Variants in SEZ6L2 observed in about 807,000 individuals in gnomAD.
SEZ6L2 encodes the protein seizure 6-like protein 2.
Under a neutral mutation model 97.0 loss-of-function variants are expected in SEZ6L2, and 44 were observed. The observed-to-expected ratio is 0.45, with a 90% CI of 0.36 to 0.58. The LOEUF (loss-of-function observed/expected upper bound fraction) is 0.58. Ranked by LOEUF, SEZ6L2 falls within the 20% of genes least tolerant of loss-of-function variation. The pLI, the probability that SEZ6L2 is intolerant of heterozygous loss-of-function variation, is 0.00. For synonymous variants in SEZ6L2, 543 were observed against 546.1 expected, an observed-to-expected ratio of 0.99 and a Z score of 0.08; for missense variants, 1,086 against 1,233.3, an observed-to-expected ratio of 0.88 and a Z score of 1.79.
chr16:29,887,587 C>T, intron 7 of SEZ6L2, 62 bp downstream of exon 7: 2 of 1,484,238 alleles, frequency 1.3e-6, no homozygotes, highest in South Asian at 1.3e-5. Flanking sequence ...ACTGGGATTA[C>T]AGGCATGAGC....
chr16:29,876,667 G>C lies in SEZ6L2; in HGVS notation c.2104+89C>G. On this transcript the variant is annotated intron_variant, in intron 12 of 17. Coordinates refer to ENST00000617533, the MANE Select transcript of SEZ6L2 (RefSeq NM_001243332.2). The surrounding 1 kb of genome is among the most constrained non-coding windows in gnomAD (Gnocchi z 6.5). ...ACCCCGAGCGAAGGGATGGAACCCA[G>C]AAAGCACGGGGGTCGGGACAGGACA... The C allele has an allele frequency of 7.9e-7, 1 of 1,257,946 alleles. No individual in the cohort carries two copies. The highest frequency in any genetic ancestry group is 1.1e-6 in the Non-Finnish European group (1 of 931,502). The allele number at this position is 1,257,946 out of a possible 1,614,324, so 77.9% of individuals were successfully genotyped here. A position where few individuals can be genotyped will look rare whatever the true frequency, so the allele number is the denominator to read the frequency against.
At position 29,896,958 on chromosome 16, in the gene SEZ6L2, C is replaced by T. The variant is rs375314663; in HGVS notation, c.375G>A (p.Pro125=). Residue 125 remains proline, a synonymous_variant, in exon 3 of 18, where the codon CCG becomes CCA. Coordinates refer to ENST00000617533, the MANE Select transcript of SEZ6L2 (RefSeq NM_001243332.2). ...GGGGTGGGGCTGTGGTTCCTGGGGG[C>T]GGGGTCAGCAGTTCTGGCGCAGTGG... ...AGPTAPELLT[P]PPGTTAPPPP... 45 of 1,589,652 alleles carry T rather than the reference C, an allele frequency of 2.8e-5. 1 individual carries two copies. The South Asian group carries it at 4.0e-4, about 14-fold the overall frequency.
At position 29,897,045 on chromosome 16, in the gene SEZ6L2, A is replaced by G; in HGVS notation, c.288T>C (p.Thr96=). The change falls in exon 3 of 18, where the codon ACT becomes ACC. Residue 96 remains threonine (T), a synonymous_variant. Transcript: ENST00000617533. Reference sequence around the variant, plus strand: ...TTGTCAGAGGCCCTGTCCCCGGCTCAGTGGCCCGTGGCAGGGAGGGCACTG... The same window carrying G: ...TTGTCAGAGGCCCTGTCCCCGGCTCGGTGGCCCGTGGCAGGGAGGGCACTG... The part of the protein sequence containing the change: ...TLAVPSLPRA[T]EPGTGPLTTA... The G allele has an allele frequency of 6.3e-7, 1 of 1,581,242 alleles. No individual in the cohort carries two copies. The highest frequency in any genetic ancestry group is 8.5e-7 in the Non-Finnish European group (1 of 1,170,562).
chr16:29,875,371 A>C, intron 12 of SEZ6L2, among the ~76,000 whole-genome samples: 1 of 152,128 alleles, frequency 6.6e-6, no homozygotes, highest in Non-Finnish European at 1.5e-5. Context: ...GCACACCTTC[A>C]GGCTCAATCT....
chr16:29,899,068 C>G lies in SEZ6L2; in HGVS notation c.-49G>C. 1 of 1,288,388 alleles carries G rather than the reference C, an allele frequency of 7.8e-7. No homozygotes were observed. The highest frequency in any genetic ancestry group is 1.1e-6 in the Non-Finnish European group (1 of 909,966). The allele number at this position is 1,288,388 out of a possible 1,614,324, so 79.8% of individuals were successfully genotyped here. Reference sequence around the variant, plus strand: ...CTCTGTGCCTCTCTAAGTAATCTGGCTGCCACCTTTCCTCCGTCTCCGTTT... The same window carrying G: ...CTCTGTGCCTCTCTAAGTAATCTGGGTGCCACCTTTCCTCCGTCTCCGTTT... On this transcript the variant is annotated 5_prime_UTR_variant, in exon 1 of 18. Coordinates refer to ENST00000617533, the MANE Select transcript of SEZ6L2 (RefSeq NM_001243332.2).
rs147981652 is a variant in SEZ6L2 at position 29,878,391 on chromosome 16, G to T, written c.1608C>A (p.Gly536=). ...GGGGCCAGTCGGGAGAGAGGACCAC[G>T]CCAGCTGGTTCCGACAGCTCCCCTC... ...MCGGELSEPA[G]VVLSPDWPQS... is the part of the protein sequence containing the mutation. Residue 536 remains glycine (G), a synonymous_variant, in exon 10 of 18, where the codon GGC becomes GGA. Transcript: ENST00000617533. 5 of 1,607,088 alleles carry T rather than the reference G, an allele frequency of 3.1e-6. No homozygotes were observed. Among genetic ancestry groups the T allele is most frequent in the Admixed American group, 1.7e-5 (1 of 59,422 alleles).
chr16:29,888,401 C>T, intron 6 of SEZ6L2, 139 bp downstream of exon 6: 1 of 833,308 alleles, frequency 1.2e-6, no homozygotes, highest in Non-Finnish European at 1.8e-6. Flanking sequence ...CTGCAGACCC[C>T]AGGATGGGGA....
In SEZ6L2 at chr16:29,873,573, G is replaced by A. The variant is rs761102277; in HGVS notation, c.2261C>T (p.Thr754Ile). Residue 754 changes from threonine (T) to isoleucine (I), a missense_variant, in exon 13 of 18, where the codon ACA (threonine) becomes ATA (isoleucine). Physicochemically the swap from Thr to Ile is moderately conservative, Grantham distance 89. Transcript: ENST00000617533. The surrounding 1 kb of genome is among the most constrained non-coding windows in gnomAD (Gnocchi z 4.3). ...GGGGACCCTATCGCTCCACTTGGGTGTGCCTGTGTCCCGGCTGTAGCAGGT... is the reference window on the plus strand; with the variant it reads ...GGGGACCCTATCGCTCCACTTGGGTATGCCTGTGTCCCGGCTGTAGCAGGT... ...MLTCYSRDTG[T>I]PKWSDRVPKC... 3.1e-6 allele frequency: 5 copies of A among 1,614,196 alleles called. No individual in the cohort carries two copies. The highest frequency in any genetic ancestry group is 1.7e-5 in the Admixed American group (1 of 60,024).
At chr16:29,892,336 A>G (rs1204489533) in intron 5 of SEZ6L2, among the ~76,000 whole-genome samples, 1 of 152,208 alleles carries the variant, frequency 6.6e-6, no homozygotes, top group Admixed American at 6.5e-5. Context: ...TGCTTCCCCA[A>G]ATGTTCCACT....
intron 1 of SEZ6L2, among the ~76,000 whole-genome samples, chr16:29,898,635 C>A (rs551521424): frequency 6.6e-6 from 1 of 152,158 alleles, no homozygotes; most frequent in East Asian, 1.9e-4. Flanking sequence ...CTCCATCTCC[C>A]ACCCAGGTCC....
intron 9 of SEZ6L2, 60 bp downstream of exon 9, chr16:29,879,804 G>C (rs2067991232): frequency 1.4e-6 from 2 of 1,451,558 alleles, no homozygotes; most frequent in Admixed American, 4.2e-5. Context: ...GCCTTGCTGG[G>C]ATCCCCAGTT....
At chr16:29,894,638 G>A (rs571012785) in intron 5 of SEZ6L2, among the ~76,000 whole-genome samples, 7 of 152,194 alleles carry the variant, frequency 4.6e-5, no homozygotes, top group South Asian at 4.1e-4. Context: ...TTCTGAGCTC[G>A]TTGAAGCCAG....
At chr16:29,878,238 A>G in intron 10 of SEZ6L2, 49 bp downstream of exon 10, 1 of 1,514,928 alleles carries the variant, frequency 6.6e-7, no homozygotes, top group Non-Finnish European at 8.9e-7. Flanking sequence ...GGCATACCAC[A>G]CTTTGCTGAG....
At chr16:29,880,420 G>A (rs1224155887) in intron 8 of SEZ6L2, among the ~76,000 whole-genome samples, 1 of 152,008 alleles carries the variant, frequency 6.6e-6, no homozygotes, top group African/African-American at 2.4e-5. Context: ...CCGCCTCCTG[G>A]GTTCAAGCGA....
rs764984609 is a variant in SEZ6L2 at position 29,873,504 on chromosome 16, C to T, written c.2296+34G>A. 1.1e-5 allele frequency: 17 copies of T among 1,613,832 alleles called. No individual in the cohort carries two copies. The highest frequency in any genetic ancestry group is 3.3e-5 in the Admixed American group (2 of 59,974). On this transcript the variant is annotated intron_variant, in intron 13 of 17. Transcript: ENST00000617533. The surrounding 1 kb of genome is among the most constrained non-coding windows in gnomAD (Gnocchi z 4.3). ...GGCAGACGGGCTCTCCCAGGGCTAC[C>T]CAGCCACCCTCCCAGGGTGTGCCCC...
At chr16:29,883,114 G>A (rs76754381) in intron 8 of SEZ6L2, among the ~76,000 whole-genome samples, 3,792 of 152,176 alleles carry the variant, frequency 0.025, 154 homozygotes, top group African/African-American at 0.084. Flanking sequence ...ACAGCCGAGT[G>A]CCAATTCCAT....
intron 5 of SEZ6L2, among the ~76,000 whole-genome samples, chr16:29,889,505 T>G (rs2068222617): frequency 6.6e-6 from 1 of 151,578 alleles, no homozygotes; most frequent in Admixed American, 6.6e-5. Flanking sequence ...TTATTAAATG[T>G]CTCTTTTGAT....
Position 29,876,862 on chromosome 16 carries a change from C to T in SEZ6L2, c.1998G>A (p.Thr666=), listed in dbSNP as rs1302950293. ...TASHGDLIRG[T]VLTYQCEPGY... is the part of the protein sequence containing the mutation. ...CAGGCTCGCACTGGTAGGTGAGCAC[C>T]GTGCCCCGGATCAGGTCCCCGTGGG... Residue 666 remains threonine, a synonymous_variant, in exon 12 of 18, where the codon ACG becomes ACA. Coordinates refer to ENST00000617533, the MANE Select transcript of SEZ6L2 (RefSeq NM_001243332.2). This position sits in a 1 kb window ranked among gnomAD's most constrained non-coding sequence, Gnocchi z 6.5. 2 of 1,613,300 alleles carry T rather than the reference C, an allele frequency of 1.2e-6. No individual in the cohort carries two copies. Among genetic ancestry groups the T allele is most frequent in the Admixed American group, 1.7e-5 (1 of 59,958 alleles).
At position 29,873,945 on chromosome 16, in the gene SEZ6L2, G is replaced by C. The variant is rs1396787199; in HGVS notation, c.2105-216C>G. Among the ~76,000 whole-genome samples, 1 of 152,044 alleles carries C rather than the reference G, an allele frequency of 6.6e-6. No individual in the cohort carries two copies. Among genetic ancestry groups the C allele is most frequent in the Non-Finnish European group, 1.5e-5 (1 of 68,000 alleles). On this transcript the variant is annotated intron_variant, in intron 12 of 17. Coordinates refer to ENST00000617533, the MANE Select transcript of SEZ6L2 (RefSeq NM_001243332.2). This position sits in a 1 kb window ranked among gnomAD's most constrained non-coding sequence, Gnocchi z 4.3. ...ATGGTGACCACGCTACTGCACTCCA[G>C]CCTGGGTGACAGAGTGAGACCCAGT...
Sources: allele counts gnomAD v4.1 joint callset (sites outside exome capture counted in the v4.1 genomes callset), GRCh38; gene constraint gnomAD v4.1.1; non-coding constraint Gnocchi (gnomAD v3.1); transcripts MANE v1.5; gene names NCBI Gene and HGNC (gene_info 2026-07-23, HGNC 2026-07-21).